The following DOCK1 variants were observed in gnomAD, a reference collection of about 807,000 sequenced individuals.
DOCK1 encodes the protein dedicator of cytokinesis protein 1.
A neutral mutation model predicts 262.7 loss-of-function variants in DOCK1; 138 were observed. The ratio of observed to expected loss-of-function variants is 0.53; its 90% CI spans 0.46 to 0.61. The LOEUF is 0.61. Ranked by LOEUF, DOCK1 falls within the 20% of genes least tolerant of loss-of-function variation. The pLI is 0.00. For missense variants in DOCK1, 1,908 were observed against 2,370.7 expected (o/e 0.80, Z 4.05); for synonymous variants, 866 against 867.4 (o/e 1.00, Z 0.03).
At chr10:127,182,164 T>G (rs747350432) in intron 27 of DOCK1, among the ~76,000 whole-genome samples, 1 of 152,132 alleles carries the variant, frequency 6.6e-6, no homozygotes, top group Non-Finnish European at 1.5e-5. Context: ...CCTCTGTCAT[T>G]AAGAACTGAT....
At chr10:127,393,453 C>T (rs574325232) in intron 38 of DOCK1, among the ~76,000 whole-genome samples, 3 of 152,282 alleles carry the variant, frequency 2.0e-5, no homozygotes, top group South Asian at 4.1e-4. Flanking sequence ...CAGCTTCCTA[C>T]GGGAAATAGG....
At chr10:127,271,802 CT>C (rs1337104654) in intron 29 of DOCK1, among the ~76,000 whole-genome samples, 1 of 152,186 alleles carries the variant, frequency 6.6e-6, no homozygotes, top group Non-Finnish European at 1.5e-5. Context: ...ACATGAAATA[CT>C]TTTGTAGCAG....
intron 51 of DOCK1, among the ~76,000 whole-genome samples, chr10:127,449,941 T>C (rs1409639816): frequency 6.6e-6 from 1 of 152,166 alleles, no homozygotes; most frequent in Admixed American, 6.5e-5. Flanking sequence ...ATACTTGGCA[T>C]AGAGGTCATT....
chr10:127,006,142 G>A (rs903192124), intron 10 of DOCK1, among the ~76,000 whole-genome samples: 4 of 152,278 alleles, frequency 2.6e-5, no homozygotes, highest in East Asian at 1.9e-4. Flanking sequence ...CCCCTGCAGC[G>A]GAGTTGCTGA....
intron 45 of DOCK1, among the ~76,000 whole-genome samples, chr10:127,419,064 C>T (rs1178602304): frequency 6.6e-6 from 1 of 152,148 alleles, no homozygotes; most frequent in Admixed American, 6.6e-5. Flanking sequence ...CTTACTTACG[C>T]CTGAGGCTGT....
At chr10:127,404,050 C>A (rs749466910) in intron 39 of DOCK1, among the ~76,000 whole-genome samples, 44 of 152,280 alleles carry the variant, frequency 2.9e-4, no homozygotes, top group Non-Finnish European at 5.7e-4. Flanking sequence ...ATTGAAAACA[C>A]CCATAAGTCA....
chr10:127,218,719 C>T (rs1254162374), intron 27 of DOCK1, among the ~76,000 whole-genome samples: 1 of 152,078 alleles, frequency 6.6e-6, no homozygotes, highest in Admixed American at 6.5e-5. Context: ...AAAGTAAAAC[C>T]AGTATTAAGG....
intron 29 of DOCK1, among the ~76,000 whole-genome samples, chr10:127,335,300 A>G (rs1427880733): frequency 2.0e-5 from 3 of 152,170 alleles, no homozygotes; most frequent in Non-Finnish European, 4.4e-5. Flanking sequence ...ATGCAGAGTC[A>G]GGCGCATTCA....
chr10:127,012,461 A>T lies in DOCK1; in HGVS notation c.1201+87A>T, dbSNP rs2041532532. The stretch of plus-strand genomic sequence containing the variant: ...CTGGGTTGGTTTTAGTTTGATGTTG[A>T]TCATGATGGTGGTGATAATGATGGG... On this transcript the variant is annotated intron_variant, in intron 12 of 51. Transcript: ENST00000623213. The surrounding 1 kb of genome is among the most constrained non-coding windows in gnomAD (Gnocchi z 4.0). 3 of 1,141,122 alleles carry T rather than the reference A, an allele frequency of 2.6e-6. No homozygotes were observed. The highest frequency in any genetic ancestry group is 1.9e-5 in the Admixed American group (1 of 53,808). 70.7% of individuals were successfully genotyped at this position (1,141,122 alleles called of 1,614,324 possible).
Position 127,439,159 on chromosome 10 carries a change from T to C in DOCK1, c.5193T>C (p.Phe1731=), listed in dbSNP as rs748484734. Residue 1731 remains phenylalanine (F), a synonymous_variant, in exon 49 of 52, where the codon TTT becomes TTC. Transcript: ENST00000623213. ...EKRNSKHQEI[F]EKEFKPTDIS... ...GGAACAGCAAACATCAAGAGATATTTGAGAAAGAATTTAAACCCACCGACA... is the reference window on the plus strand; with the variant it reads ...GGAACAGCAAACATCAAGAGATATTCGAGAAAGAATTTAAACCCACCGACA... The C allele has an allele frequency of 1.1e-5, 17 of 1,609,936 alleles. No homozygotes were observed. The highest frequency in any genetic ancestry group is 1.3e-5 in the Non-Finnish European group (15 of 1,178,282).
At chr10:127,019,419 T>C (rs2042249093) in intron 13 of DOCK1, among the ~76,000 whole-genome samples, 2 of 152,192 alleles carry the variant, frequency 1.3e-5, no homozygotes, top group South Asian at 4.1e-4. Flanking sequence ...TTGTATCCTT[T>C]ATATCCGTGT....
chr10:127,415,139 G>GTA lies in DOCK1; in HGVS notation c.4429-12_4429-11insAT, dbSNP rs747350614. The GTA allele has an allele frequency of 5.0e-6, 8 of 1,611,634 alleles. No homozygotes were observed. In the South Asian group the frequency reaches 8.8e-5, roughly 18 times the overall value. On this transcript the variant is annotated splice_polypyrimidine_tract_variant and intron_variant, in intron 43 of 51. Transcript: ENST00000623213. Reference sequence around the variant, plus strand: ...CTTCTAACCCGTGTTGTGTGTGTGTGTTTCCTTTGCAGAATATGTGGATCG... The same window carrying GTA: ...CTTCTAACCCGTGTTGTGTGTGTGTGTATTTCCTTTGCAGAATATGTGGATCG...
chr10:127,245,974 G>A (rs1198284774), intron 27 of DOCK1, among the ~76,000 whole-genome samples: 1 of 152,130 alleles, frequency 6.6e-6, no homozygotes, highest in Non-Finnish European at 1.5e-5. Flanking sequence ...CTTCTTCAGC[G>A]GGAAAAGCTC....
At chr10:127,277,570 C>T (rs2060786601) in intron 29 of DOCK1, among the ~76,000 whole-genome samples, 1 of 152,040 alleles carries the variant, frequency 6.6e-6, no homozygotes, top group South Asian at 2.1e-4. Flanking sequence ...CCAGGCTGAC[C>T]AATATGGTGA....
At chr10:127,433,456 C>A (rs749749336) in intron 48 of DOCK1, 28 bp downstream of exon 48, 2 of 1,611,986 alleles carry the variant, frequency 1.2e-6, no homozygotes, top group East Asian at 4.5e-5. Flanking sequence ...CAGGGCTGAG[C>A]TGAGCAGTGA....
chr10:126,918,270 G>A (rs1012208813), intron 1 of DOCK1, among the ~76,000 whole-genome samples: 1 of 152,020 alleles, frequency 6.6e-6, no homozygotes, highest in South Asian at 2.1e-4. Flanking sequence ...AGCATGCAGC[G>A]GGGGCTCCGC....
chr10:127,231,208 T>C (rs1235890082), intron 27 of DOCK1, among the ~76,000 whole-genome samples: 3 of 151,692 alleles, frequency 2.0e-5, no homozygotes, highest in Non-Finnish European at 1.5e-5. Context: ...GAGATCAAAC[T>C]CTCTTTAGCG....
chr10:126,968,723 T>C lies in DOCK1; in HGVS notation c.47-1979T>C, dbSNP rs145383149. ...GGATGCTGTTAGGAACTGTGATAGA[T>C]GTATTTATGGTTCCTGAAGGTTTAC... is the stretch of plus-strand genomic sequence containing the variant. On this transcript the variant is annotated intron_variant, in intron 1 of 51. Transcript: ENST00000623213. Among the ~76,000 whole-genome samples the C allele has an allele frequency of 2.3e-3, 349 of 152,314 alleles. 2 individuals carry two copies. In the Middle Eastern group the frequency reaches 0.027, roughly 12 times the overall value.
intron 4 of DOCK1, among the ~76,000 whole-genome samples, chr10:126,983,478 C>T (rs2039127309): frequency 1.3e-5 from 2 of 152,206 alleles, no homozygotes; most frequent in Non-Finnish European, 2.9e-5. Context: ...CTTGCAGAGT[C>T]TGTCTCTTTC....
Sources: gnomAD v4.1 joint callset for allele counts (sites outside exome capture counted in the v4.1 genomes callset) on GRCh38, gnomAD v4.1.1 for gene constraint, Gnocchi (gnomAD v3.1) non-coding constraint, MANE v1.5 for transcripts, NCBI Gene and HGNC (gene_info 2026-07-23, HGNC 2026-07-21) for gene names.